COX7B2: variants seen among roughly 807,000 people sequenced by gnomAD.
The protein encoded by COX7B2 is cytochrome c oxidase subunit 7B2.
For synonymous variants in COX7B2, 37 were observed against 32.1 expected (o/e 1.15, Z -0.51); for missense variants, 109 against 95.9 (o/e 1.14, Z -0.57).
At chr4:46,778,916 C>T (rs1345123451) in intron 2 of COX7B2, among the ~76,000 whole-genome samples, 1 of 152,086 alleles carries the variant, frequency 6.6e-6, no homozygotes, top group African/African-American at 2.4e-5. Context: ...TTCAATAATA[C>T]ACTGAGTTTT....
intron 2 of COX7B2, among the ~76,000 whole-genome samples, chr4:46,794,393 C>A (rs1718212989): frequency 6.6e-6 from 1 of 152,018 alleles, no homozygotes; most frequent in Non-Finnish European, 1.5e-5. Flanking sequence ...ATTAGATATT[C>A]TAGAAATGCT....
At chr4:46,754,459 A>C (rs931537678) in intron 2 of COX7B2, among the ~76,000 whole-genome samples, 2 of 143,492 alleles carry the variant, frequency 1.4e-5, no homozygotes, top group African/African-American at 5.2e-5. Flanking sequence ...AAACTATCGC[A>C]AGGACAAAAA....
intron 2 of COX7B2, among the ~76,000 whole-genome samples, chr4:46,766,077 T>TGTGTCA (rs1716517579): frequency 3.9e-5 from 6 of 152,116 alleles, no homozygotes; most frequent in African/African-American, 1.4e-4. Context: ...CAGACCCTGT[T>TGTGTCA]TCCAACACAA....
chr4:46,775,786 T>C (rs953776798), intron 2 of COX7B2, among the ~76,000 whole-genome samples: 1 of 152,082 alleles, frequency 6.6e-6, no homozygotes, highest in African/African-American at 2.4e-5. Flanking sequence ...AAGAGGATTA[T>C]AAATAATAAA....
chr4:46,804,573 A>G (rs1184516159), intron 2 of COX7B2, among the ~76,000 whole-genome samples: 1 of 148,664 alleles, frequency 6.7e-6, no homozygotes, highest in Admixed American at 6.6e-5. Flanking sequence ...CAGAGTAGCT[A>G]GAGTAGCTAG....
At chr4:46,814,201 A>T (rs1359662277) in intron 2 of COX7B2, among the ~76,000 whole-genome samples, 1 of 152,188 alleles carries the variant, frequency 6.6e-6, no homozygotes, top group African/African-American at 2.4e-5. Flanking sequence ...TATTAAAGGG[A>T]CGGTTTTTAA....
At chr4:46,837,228 C>T (rs1560412026) in intron 2 of COX7B2, among the ~76,000 whole-genome samples, 4 of 150,888 alleles carry the variant, frequency 2.7e-5, no homozygotes, top group African/African-American at 9.7e-5. Flanking sequence ...CCCAAGTGTA[C>T]ATCAACAGAT....
At chr4:46,908,468 A>G (rs1720541195) in intron 1 of COX7B2, among the ~76,000 whole-genome samples, 1 of 152,108 alleles carries the variant, frequency 6.6e-6, no homozygotes, top group Non-Finnish European at 1.5e-5. Context: ...CTGCTTATAT[A>G]CAAACAGCTA....
At chr4:46,903,092 C>T (rs1720167047) in intron 1 of COX7B2, among the ~76,000 whole-genome samples, 2 of 152,034 alleles carry the variant, frequency 1.3e-5, no homozygotes, top group African/African-American at 2.4e-5. Context: ...AAAATAAGCC[C>T]TTTCAATTAT....
intron 1 of COX7B2, among the ~76,000 whole-genome samples, chr4:46,850,408 G>T (rs924945590): frequency 3.3e-5 from 5 of 152,024 alleles, no homozygotes; most frequent in Non-Finnish European, 5.9e-5. Flanking sequence ...AAGCTGGTGA[G>T]CATTTTCAAG....
intron 1 of COX7B2, among the ~76,000 whole-genome samples, chr4:46,875,635 G>A (rs1718273146): frequency 1.3e-5 from 2 of 152,028 alleles, no homozygotes; most frequent in Admixed American, 6.6e-5. Flanking sequence ...ACACTGACAG[G>A]TTTCCAAGGC....
intron 2 of COX7B2, among the ~76,000 whole-genome samples, chr4:46,735,574 G>C (rs1217077353): frequency 1.3e-5 from 2 of 152,112 alleles, no homozygotes; most frequent in Non-Finnish European, 2.9e-5. Context: ...GGCTACAATA[G>C]ACAGAAAGTC....
At chr4:46,792,576 A>C (rs892140284) in intron 2 of COX7B2, among the ~76,000 whole-genome samples, 1 of 152,142 alleles carries the variant, frequency 6.6e-6, no homozygotes, top group Non-Finnish European at 1.5e-5. Flanking sequence ...CGGTGCTCCT[A>C]GTTCTCAGAC....
intron 1 of COX7B2, among the ~76,000 whole-genome samples, chr4:46,862,258 T>C (rs1344697783): frequency 6.6e-6 from 1 of 152,262 alleles, no homozygotes; most frequent in African/African-American, 2.4e-5. Context: ...TTCCTTGGCT[T>C]ACCTATCAGG....
chr4:46,765,404 C>A (rs1159302261), intron 2 of COX7B2, among the ~76,000 whole-genome samples: 2 of 152,130 alleles, frequency 1.3e-5, no homozygotes, highest in Non-Finnish European at 2.9e-5. Context: ...AGTACTAGAC[C>A]AGCCGCAGGC....
intron 2 of COX7B2, among the ~76,000 whole-genome samples, chr4:46,805,087 T>C (rs937844140): frequency 6.6e-6 from 1 of 152,038 alleles, no homozygotes. Context: ...CCACTCCGAG[T>C]GCAGGACCCG....
At chr4:46,859,846 A>G (rs1717230601) in intron 1 of COX7B2, among the ~76,000 whole-genome samples, 1 of 152,290 alleles carries the variant, frequency 6.6e-6, no homozygotes, top group Admixed American at 6.5e-5. Flanking sequence ...CTTAATTTGC[A>G]TGTAATTAAA....
intron 2 of COX7B2, among the ~76,000 whole-genome samples, chr4:46,783,053 T>A (rs183837237): frequency 6.6e-6 from 1 of 152,242 alleles, no homozygotes; most frequent in African/African-American, 2.4e-5. Context: ...TAATGCTAAA[T>A]GATAACCACA....
intron 2 of COX7B2, 86 bp from the exon 3 acceptor site, chr4:46,735,327 A>G: frequency 6.2e-6 from 6 of 964,146 alleles, no homozygotes; most frequent in Non-Finnish European, 9.4e-6. Context: ...CACCCCTTGG[A>G]GTGGTGTTCA....
Sources: allele counts gnomAD v4.1 joint callset (sites outside exome capture counted in the v4.1 genomes callset), GRCh38; gene constraint gnomAD v4.1.1; transcripts MANE v1.5; gene names NCBI Gene and HGNC (gene_info 2026-07-23, HGNC 2026-07-21).